The following PPP1R9A variants were observed in gnomAD, a reference collection of about 807,000 sequenced individuals.
PPP1R9A encodes the protein neurabin-1.
In PPP1R9A, 59 loss-of-function variants were observed where a neutral mutation model predicts 141.9. The observed-to-expected ratio is 0.42, with a 90% CI of 0.34 to 0.52. PPP1R9A has a LOEUF of 0.52. Among genes scored for constraint, PPP1R9A ranks in the 20% least tolerant of loss-of-function variants. The pLI, the probability that PPP1R9A is intolerant of heterozygous loss-of-function variation, is 0.10. For missense variants in PPP1R9A, 1,444 were observed against 1,611.9 expected (o/e 0.90, Z 1.78); for synonymous variants, 500 against 569.7 (o/e 0.88, Z 1.74).
At chr7:95,237,287 C>T (rs940083949) in intron 8 of PPP1R9A, among the ~76,000 whole-genome samples, 5 of 151,056 alleles carry the variant, frequency 3.3e-5, no homozygotes, top group African/African-American at 1.2e-4. Context: ...CCTCTGCCTC[C>T]TGGGTTCAAG....
intron 2 of PPP1R9A, among the ~76,000 whole-genome samples, chr7:95,072,831 ATAATAATTATTATAT>A (rs1193959461): frequency 0.012 from 707 of 59,530 alleles, 21 homozygotes; most frequent in East Asian, 0.067. Context: ...TATTATATAT[ATAATAATTATTATAT>A]ATAATATAAG....
chr7:95,158,509 G>A (rs1829985477), intron 4 of PPP1R9A, among the ~76,000 whole-genome samples: 1 of 152,024 alleles, frequency 6.6e-6, no homozygotes, highest in Non-Finnish European at 1.5e-5. Flanking sequence ...AAAAAAGGAA[G>A]AAAATATAGA....
chr7:95,122,639 T>A (rs1175138201), intron 4 of PPP1R9A, among the ~76,000 whole-genome samples: 2 of 152,192 alleles, frequency 1.3e-5, no homozygotes, highest in Non-Finnish European at 2.9e-5. Context: ...ATAGAGAAGG[T>A]TTGAAATAAA....
chr7:95,227,851 A>G (rs1563457994), intron 8 of PPP1R9A, among the ~76,000 whole-genome samples: 1 of 152,200 alleles, frequency 6.6e-6, no homozygotes, highest in African/African-American at 2.4e-5. Context: ...GCAATATCAC[A>G]TCGTTCCACT....
At chr7:95,137,030 G>T (rs1825776365) in intron 4 of PPP1R9A, among the ~76,000 whole-genome samples, 1 of 151,998 alleles carries the variant, frequency 6.6e-6, no homozygotes, top group Non-Finnish European at 1.5e-5. Context: ...CTTTTGAAAG[G>T]GTAGAGAAAG....
At chr7:95,000,810 A>G (rs1484271595) in intron 2 of PPP1R9A, among the ~76,000 whole-genome samples, 2 of 152,160 alleles carry the variant, frequency 1.3e-5, no homozygotes, top group South Asian at 2.1e-4. Context: ...CTGATTCTAC[A>G]CTATCTCTGA....
intron 2 of PPP1R9A, among the ~76,000 whole-genome samples, chr7:95,091,530 G>A (rs1297388012): frequency 1.3e-5 from 2 of 151,478 alleles, no homozygotes; most frequent in South Asian, 2.1e-4. Flanking sequence ...TTTTAGTAGA[G>A]ATGGGGTTTT....
At chr7:94,969,501 T>A (rs1798619430) in intron 2 of PPP1R9A, among the ~76,000 whole-genome samples, 1 of 152,146 alleles carries the variant, frequency 6.6e-6, no homozygotes, top group African/African-American at 2.4e-5. Flanking sequence ...GATTGCTGCC[T>A]GTTCCTGCCT....
chr7:95,183,579 T>C (rs1834189667), intron 5 of PPP1R9A, among the ~76,000 whole-genome samples: 1 of 149,790 alleles, frequency 6.7e-6, no homozygotes, highest in African/African-American at 2.5e-5. Flanking sequence ...GCCTCCCGAG[T>C]AGGTGGGACT....
intron 2 of PPP1R9A, among the ~76,000 whole-genome samples, chr7:95,085,139 T>C (rs959428034): frequency 6.6e-6 from 1 of 152,064 alleles, no homozygotes; most frequent in African/African-American, 2.4e-5. Context: ...ACTAGTAAAG[T>C]AGGACCCTAT....
chr7:95,254,045 A>G (rs910330463), intron 12 of PPP1R9A, among the ~76,000 whole-genome samples: 1 of 152,170 alleles, frequency 6.6e-6, no homozygotes, highest in Non-Finnish European at 1.5e-5. Flanking sequence ...ATTTGGATCA[A>G]AACCTTACAT....
At chr7:95,228,418 C>G in intron 8 of PPP1R9A, among the ~76,000 whole-genome samples, 1 of 152,132 alleles carries the variant, frequency 6.6e-6, no homozygotes, top group Middle Eastern at 3.2e-3. Context: ...TTCCAAATAG[C>G]CAACAAAAGT....
chr7:95,024,160 C>A (rs1209925161), intron 2 of PPP1R9A, among the ~76,000 whole-genome samples: 1 of 152,090 alleles, frequency 6.6e-6, no homozygotes, highest in Non-Finnish European at 1.5e-5. Flanking sequence ...GTTAAGATTT[C>A]CATTCTTTTC....
At chr7:95,108,281 C>G (rs111610239) in intron 2 of PPP1R9A, among the ~76,000 whole-genome samples, 43,769 of 111,554 alleles carry the variant, frequency 0.39, 8,314 homozygotes, top group Non-Finnish European at 0.49. Flanking sequence ...TTTTCTTTTT[C>G]TTTTCTTTTC....
intron 12 of PPP1R9A, among the ~76,000 whole-genome samples, chr7:95,253,019 T>A (rs1213405782): frequency 1.3e-5 from 2 of 152,218 alleles, no homozygotes; most frequent in Admixed American, 1.3e-4. Context: ...ATTACTTATG[T>A]TCTTACACAC....
intron 12 of PPP1R9A, among the ~76,000 whole-genome samples, chr7:95,256,844 A>G (rs1377186537): frequency 1.3e-5 from 2 of 152,178 alleles, no homozygotes; most frequent in African/African-American, 2.4e-5. Context: ...AAAATATGCC[A>G]TAAAAATAGC....
chr7:94,931,557 AAT>A (rs1270498878), intron 2 of PPP1R9A, among the ~76,000 whole-genome samples: 1 of 152,054 alleles, frequency 6.6e-6, no homozygotes, highest in Non-Finnish European at 1.5e-5. Flanking sequence ...TTTCTGCATG[AAT>A]TAGACTGACT....
At chr7:94,994,325 C>A (rs993438038) in intron 2 of PPP1R9A, among the ~76,000 whole-genome samples, 1 of 151,966 alleles carries the variant, frequency 6.6e-6, no homozygotes, top group Non-Finnish European at 1.5e-5. Flanking sequence ...GGGGAGAATT[C>A]TTTTTATGGA....
intron 12 of PPP1R9A, among the ~76,000 whole-genome samples, chr7:95,253,133 C>T (rs1418720319): frequency 6.6e-6 from 1 of 152,114 alleles, no homozygotes; most frequent in Admixed American, 6.5e-5. Context: ...GATAAATACA[C>T]AGGAATGTGT....
Sources: gnomAD v4.1 joint callset for allele counts (sites outside exome capture counted in the v4.1 genomes callset) on GRCh38, gnomAD v4.1.1 for gene constraint, MANE v1.5 for transcripts, NCBI Gene and HGNC (gene_info 2026-07-23, HGNC 2026-07-21) for gene names.